Variants in ADCK5 observed in about 807,000 individuals in gnomAD.
ADCK5 encodes the protein aarF domain containing kinase 5.
ADCK5 carries 43 observed loss-of-function variants against 64.9 expected under a neutral mutation model. The ratio of observed to expected loss-of-function variants is 0.66; its 90% CI spans 0.52 to 0.85. ADCK5 has a LOEUF of 0.85. Among genes scored for constraint, ADCK5 ranks in the 40% least tolerant of loss-of-function variants. ADCK5 has a pLI of 0.00. For synonymous variants in ADCK5, 434 were observed against 342.8 expected (o/e 1.27, Z -2.94); for missense variants, 760 against 810.5 (o/e 0.94, Z 0.76).
rs1554860947 is a variant in ADCK5, at chr8:144,392,103, A to G, written c.1108A>G (p.Lys370Glu). ...DPHPGNVLVR[K>E]GPDGKAELVL... ...GGCTGTATCCCTAGTTCTGGTGCGG[A>G]AAGGCCCGGACGGGAAAGCGGAGCT... The change falls in exon 11 of 15, where the codon AAA becomes GAA. Residue 370 changes from lysine (K) to glutamate (E), a missense_variant. This residue lies in a region of ADCK5 where 427 missense variants were observed against 518.4 expected (regional missense o/e 0.82). Transcript: ENST00000308860. 1 of 1,612,124 alleles carries G rather than the reference A, an allele frequency of 6.2e-7. No individual in the cohort carries two copies. Among genetic ancestry groups the G allele is most frequent in the Non-Finnish European group, 8.5e-7 (1 of 1,179,852 alleles).
chr8:144,377,125 C>A (rs1325407916), intron 1 of ADCK5, among the ~76,000 whole-genome samples: 1 of 152,234 alleles, frequency 6.6e-6, no homozygotes. Context: ...ACAGTCCTTT[C>A]CACCCAAACC....
intron 10 of ADCK5, 28 bp from the exon 11 acceptor site, chr8:144,392,064 A>T (rs782680934): frequency 1.2e-6 from 2 of 1,612,058 alleles, no homozygotes; most frequent in Non-Finnish European, 1.7e-6. Context: ...GGGTGGGCGC[A>T]GCGCGACCTA....
At chr8:144,385,772 G>A (rs1819891845) in intron 3 of ADCK5, among the ~76,000 whole-genome samples, 1 of 151,596 alleles carries the variant, frequency 6.6e-6, no homozygotes, top group African/African-American at 2.4e-5. Flanking sequence ...GACCATCCTG[G>A]CTAACATGGT....
Position 144,393,133 on chromosome 8 carries a change from G to T in ADCK5, c.*59G>T. 6.9e-7 allele frequency: 1 copy of T among 1,456,228 alleles called. No homozygotes were observed. The highest frequency in any genetic ancestry group is 1.4e-5 in the South Asian group (1 of 72,784). 90.2% of individuals were successfully genotyped at this position (1,456,228 alleles called of 1,614,324 possible). A position where few individuals can be genotyped will look rare whatever the true frequency, so the allele number is the denominator to read the frequency against. On this transcript the variant is annotated 3_prime_UTR_variant, in exon 15 of 15. Coordinates refer to ENST00000308860, the MANE Select transcript of ADCK5 (RefSeq NM_174922.5). ...CACCTTGGGCTGACGGAGGTGGCGG[G>T]GCTAGAGGTGTAGACACCCCGAGCC... is the stretch of plus-strand genomic sequence containing the variant.
intron 2 of ADCK5, 76 bp from the exon 3 acceptor site, chr8:144,383,005 G>T: frequency 6.5e-7 from 1 of 1,537,758 alleles, no homozygotes; most frequent in East Asian, 2.4e-5. Context: ...CGTGGTGCTG[G>T]GGGAGGTGGG....
intron 3 of ADCK5, among the ~76,000 whole-genome samples, chr8:144,385,526 A>G (rs1162920087): frequency 6.6e-6 from 1 of 150,992 alleles, no homozygotes; most frequent in Non-Finnish European, 1.5e-5. Flanking sequence ...CACGCCTGTA[A>G]TCCCAGCTAC....
At position 144,376,218 on chromosome 8, in the gene ADCK5, T is replaced by TGAA. The variant is rs1819357976; in HGVS notation, c.12+2111_12+2112insGAA. Among the ~76,000 whole-genome samples the TGAA allele has an allele frequency of 6.6e-6, 1 of 152,116 alleles. No individual in the cohort carries two copies. Among genetic ancestry groups the TGAA allele is most frequent in the Non-Finnish European group, 1.5e-5 (1 of 68,006 alleles). On this transcript the variant is annotated intron_variant, in intron 1 of 14. Coordinates refer to ENST00000308860, the MANE Select transcript of ADCK5 (RefSeq NM_174922.5). This position sits in a 1 kb window ranked among gnomAD's most constrained non-coding sequence, Gnocchi z 5.1. ...CAGGGCCATGTGGGGTTCAATTGAG[T>TGAA]CCTGTGCTTCACAGCTGTTGGTCTC...
intron 2 of ADCK5, 133 bp from the exon 3 acceptor site, chr8:144,382,948 T>G (rs1349373614): frequency 1.5e-6 from 2 of 1,291,630 alleles, no homozygotes; most frequent in African/African-American, 1.5e-5. Flanking sequence ...TGCGGTGGTG[T>G]TCTCTGCTGA....
chr8:144,382,492 G>A (rs1284185401), intron 2 of ADCK5, among the ~76,000 whole-genome samples: 1 of 151,006 alleles, frequency 6.6e-6, no homozygotes, highest in African/African-American at 2.5e-5. Context: ...CTGTATTCAG[G>A]GAGTATTGGG....
intron 3 of ADCK5, among the ~76,000 whole-genome samples, chr8:144,388,741 C>T (rs868964581): frequency 4.0e-5 from 6 of 150,616 alleles, no homozygotes; most frequent in African/African-American, 1.5e-4. Context: ...CCAGCCTGGG[C>T]GACAGAGCGA....
At chr8:144,381,188 T>C (rs1554858147) in intron 2 of ADCK5, among the ~76,000 whole-genome samples, 740 of 52,390 alleles carry the variant, frequency 0.014, 10 homozygotes, top group African/African-American at 0.047. Context: ...AGGCACCTGC[T>C]GCACTCAGGA....
At chr8:144,385,949 G>A (rs2130712599) in intron 3 of ADCK5, among the ~76,000 whole-genome samples, 1 of 151,410 alleles carries the variant, frequency 6.6e-6, no homozygotes, top group African/African-American at 2.4e-5. Flanking sequence ...GGGTGACAGA[G>A]CGACTCTCTG....
rs1408832850 is a variant in ADCK5, at chr8:144,382,996, G to A, written c.117-85G>A. ...ATGGCTGTGCACACAGGAGTGAGAC[G>A]TGGTGCTGGGGGAGGTGGGGGCAGA... On this transcript the variant is annotated intron_variant, in intron 2 of 14. Coordinates refer to ENST00000308860, the MANE Select transcript of ADCK5 (RefSeq NM_174922.5). 81 of 1,520,822 alleles carry A rather than the reference G, an allele frequency of 5.3e-5. 1 individual carries two copies. The highest frequency in any genetic ancestry group is 1.8e-4 in the African/African-American group (13 of 72,564). The allele number at this position is 1,520,822 out of a possible 1,614,324, so 94.2% of individuals were successfully genotyped here.
At chr8:144,385,016 C>T (rs782406054) in intron 3 of ADCK5, among the ~76,000 whole-genome samples, 1 of 151,930 alleles carries the variant, frequency 6.6e-6, no homozygotes, top group Non-Finnish European at 1.5e-5. Flanking sequence ...CAGGAAGGAG[C>T]GCGGGTGAGG....
At chr8:144,374,178 C>T in intron 1 of ADCK5, 71 bp downstream of exon 1, 3 of 1,225,096 alleles carry the variant, frequency 2.4e-6, no homozygotes, top group Non-Finnish European at 3.1e-6. Context: ...ACCCGCAAGT[C>T]CCCAGACCCC....
chr8:144,388,910 GC>G, intron 3 of ADCK5, among the ~76,000 whole-genome samples: 1 of 152,230 alleles, frequency 6.6e-6, no homozygotes, highest in Admixed American at 6.5e-5. Flanking sequence ...CCAGAGCTGC[GC>G]TTCAGGAATG....
At chr8:144,378,529 G>A (rs1307310455) in intron 1 of ADCK5, among the ~76,000 whole-genome samples, 2 of 152,128 alleles carry the variant, frequency 1.3e-5, no homozygotes, top group East Asian at 3.9e-4. Flanking sequence ...TGCCATGACT[G>A]TAAGTTTCCT....
At chr8:144,381,861 T>C (rs1303946882) in intron 2 of ADCK5, among the ~76,000 whole-genome samples, 7 of 110,920 alleles carry the variant, frequency 6.3e-5, no homozygotes, top group African/African-American at 7.3e-5. Context: ...GGGCCGGGTG[T>C]AGAAACAGAT....
intron 3 of ADCK5, among the ~76,000 whole-genome samples, chr8:144,387,291 C>T (rs1401231929): frequency 6.6e-6 from 1 of 152,122 alleles, no homozygotes; most frequent in Non-Finnish European, 1.5e-5. Flanking sequence ...TCTGTCCTGC[C>T]GGGGGCACAT....
Sources: gnomAD v4.1 joint callset for allele counts (sites outside exome capture counted in the v4.1 genomes callset) on GRCh38, gnomAD v4.1.1 for gene constraint, gnomAD v4.1.1 regional missense constraint, Gnocchi (gnomAD v3.1) non-coding constraint, MANE v1.5 for transcripts, NCBI Gene and HGNC (gene_info 2026-07-23, HGNC 2026-07-21) for gene names.